ETS1: variants seen among roughly 807,000 people sequenced by gnomAD.
ETS1 encodes the protein ETS proto-oncogene 1, transcription factor, also known as protein C-ets-1.
ETS1 carries 15 observed loss-of-function variants against 58.6 expected under a neutral mutation model. The observed-to-expected ratio is 0.26, with a 90% confidence interval of 0.17 to 0.39. The LOEUF is 0.39. ETS1 is among the 10% of genes least tolerant of loss of function. The probability of loss-of-function intolerance (pLI) is 1.00; values close to 1 mark genes in which losing one functional copy is unlikely to be tolerated. For missense variants in ETS1, 417 were observed against 610.5 expected, an observed-to-expected ratio of 0.68 and a Z score of 3.34; for synonymous variants, 214 against 218.2, an observed-to-expected ratio of 0.98 and a Z score of 0.17.
chr11:128,558,413 G>A (rs759689571), intron 2 of ETS1, among the ~76,000 whole-genome samples: 1 of 152,216 alleles, frequency 6.6e-6, no homozygotes, highest in Non-Finnish European at 1.5e-5. Context: ...GGGAGGCCGA[G>A]GAGGGTGAAT....
intron 3 of ETS1, among the ~76,000 whole-genome samples, chr11:128,542,875 T>C (rs895683736): frequency 6.6e-6 from 1 of 152,142 alleles, no homozygotes; most frequent in Non-Finnish European, 1.5e-5. Context: ...ATTCTTTGAT[T>C]TATAAATTTT....
chr11:128,548,731 G>T (rs916814677), intron 3 of ETS1, among the ~76,000 whole-genome samples: 1 of 152,232 alleles, frequency 6.6e-6, no homozygotes, highest in African/African-American at 2.4e-5. Context: ...TCTCCTGGGA[G>T]TGGAAAGCTC....
intron 3 of ETS1, among the ~76,000 whole-genome samples, chr11:128,540,598 T>C (rs984301512): frequency 5.9e-5 from 9 of 152,150 alleles, no homozygotes; most frequent in African/African-American, 1.7e-4. Context: ...CTTAAGACCA[T>C]ATGCTTCACC....
At chr11:128,503,280 AAAATT>A (rs1668680755) in intron 3 of ETS1, among the ~76,000 whole-genome samples, 1 of 152,250 alleles carries the variant, frequency 6.6e-6, no homozygotes, top group Non-Finnish European at 1.5e-5. Context: ...TTTATAACTT[AAAATT>A]TTAAGCACAG....
At chr11:128,467,830 G>A (rs1477262049) in intron 8 of ETS1, among the ~76,000 whole-genome samples, 2 of 152,152 alleles carry the variant, frequency 1.3e-5, no homozygotes, top group African/African-American at 4.8e-5. Context: ...CACAACAACA[G>A]AGGGGTCCCT....
intron 5 of ETS1, among the ~76,000 whole-genome samples, chr11:128,487,421 TG>T (rs1862663399): frequency 6.6e-6 from 1 of 152,152 alleles, no homozygotes; most frequent in African/African-American, 2.4e-5. Context: ...AAGCACAGGA[TG>T]GGATGTTAAA....
At chr11:128,568,544 CAA>C (rs1186344569) in intron 2 of ETS1, among the ~76,000 whole-genome samples, 1 of 152,220 alleles carries the variant, frequency 6.6e-6, no homozygotes, top group African/African-American at 2.4e-5. Flanking sequence ...GACAACTTCC[CAA>C]AGTGTTGCTT....
chr11:128,535,560 A>C (rs1863961210), intron 3 of ETS1, among the ~76,000 whole-genome samples: 1 of 152,194 alleles, frequency 6.6e-6, no homozygotes, highest in South Asian at 2.1e-4. Flanking sequence ...AACAAGAAAA[A>C]TTAAAGGACT....
At chr11:128,474,325 T>G (rs1862264089) in intron 8 of ETS1, among the ~76,000 whole-genome samples, 1 of 152,192 alleles carries the variant, frequency 6.6e-6, no homozygotes, top group Admixed American at 6.5e-5. Flanking sequence ...CAGCCAGTTG[T>G]GGTCTTTGAA....
intron 3 of ETS1, among the ~76,000 whole-genome samples, chr11:128,518,018 T>C (rs1863570686): frequency 6.6e-6 from 1 of 152,218 alleles, no homozygotes; most frequent in African/African-American, 2.4e-5. Context: ...AAAACTTGAC[T>C]TTTCCATCAA....
intron 2 of ETS1, among the ~76,000 whole-genome samples, chr11:128,558,241 C>A (rs1864345404): frequency 6.6e-6 from 1 of 152,164 alleles, no homozygotes; most frequent in Admixed American, 6.5e-5. Context: ...TTGCCAGGGG[C>A]CTTGATGAGC....
intron 3 of ETS1, among the ~76,000 whole-genome samples, chr11:128,528,386 G>A (rs1179960300): frequency 6.6e-6 from 1 of 152,172 alleles, no homozygotes; most frequent in Non-Finnish European, 1.5e-5. Context: ...GCAGAATATA[G>A]AGTGTGTTTC....
chr11:128,491,446 C>G (rs957477402), intron 3 of ETS1, among the ~76,000 whole-genome samples: 1 of 152,192 alleles, frequency 6.6e-6, no homozygotes, highest in Non-Finnish European at 1.5e-5. Context: ...TCCTGGAAGT[C>G]TGAAGGAAAC....
intron 3 of ETS1, among the ~76,000 whole-genome samples, chr11:128,537,492 G>C (rs142199277): frequency 1.3e-5 from 2 of 152,116 alleles, no homozygotes; most frequent in Admixed American, 1.3e-4. Flanking sequence ...GAATTAAATC[G>C]CAGTTGGGAA....
intron 8 of ETS1, among the ~76,000 whole-genome samples, chr11:128,470,469 TA>T (rs1862156906): frequency 2.0e-5 from 3 of 152,302 alleles, no homozygotes; most frequent in Non-Finnish European, 4.4e-5. Context: ...ATGGAAATAG[TA>T]ATCTCTGCTT....
chr11:128,535,251 C>A (rs887501990), intron 3 of ETS1, among the ~76,000 whole-genome samples: 2 of 152,140 alleles, frequency 1.3e-5, no homozygotes, highest in African/African-American at 4.8e-5. Context: ...TATTCATGTT[C>A]TTTGCCCACT....
intron 8 of ETS1, among the ~76,000 whole-genome samples, chr11:128,472,055 T>G (rs1862200970): frequency 6.6e-6 from 1 of 152,160 alleles, no homozygotes; most frequent in African/African-American, 2.4e-5. Flanking sequence ...GTAGCCAGAG[T>G]GTGTTGAATA....
intron 3 of ETS1, among the ~76,000 whole-genome samples, chr11:128,499,071 C>G (rs570065504): frequency 1.3e-5 from 2 of 152,346 alleles, no homozygotes; most frequent in East Asian, 3.9e-4. Context: ...CCACATCTTA[C>G]ACTTCTGAAT....
Position 128,490,478 on chromosome 11 carries a change from G to C in ETS1, c.313C>G (p.Gln105Glu), listed in dbSNP as rs370109635. 1.9e-5 allele frequency: 31 copies of C among 1,611,978 alleles called. No homozygotes were observed. Among genetic ancestry groups the C allele is most frequent in the Non-Finnish European group, 2.5e-5 (30 of 1,178,448 alleles). Residue 105 changes from glutamine to glutamate, a missense_variant, in exon 4 of 10, where the codon CAA (glutamine) becomes GAA (glutamate). Gln to Glu is a conservative substitution (Grantham distance 29). This residue lies in a region of ETS1 where 132 missense variants were observed against 212.1 expected (regional missense o/e 0.62). Transcript: ENST00000392668. ...ATFSGFTKEQ[Q>E]RLGIPKDPRQ... ...ATACCTTTTGGGATCCCCAGTCGTT[G>C]CTGTTCTTTAGTGAAACCACTGAAA...
Sources: gnomAD v4.1 joint callset for allele counts (sites outside exome capture counted in the v4.1 genomes callset) on GRCh38, gnomAD v4.1.1 for gene constraint, gnomAD v4.1.1 regional missense constraint, MANE v1.5 for transcripts, NCBI Gene and HGNC (gene_info 2026-07-23, HGNC 2026-07-21) for gene names.